Variants in METRN observed in about 807,000 individuals in gnomAD.
The protein encoded by METRN is meteorin, glial cell differentiation regulator.
Under a neutral mutation model 17.4 loss-of-function variants are expected in METRN, and 17 were observed. The ratio of observed to expected loss-of-function variants is 0.98; its 90% CI spans 0.67 to 1.46. METRN has a LOEUF of 1.46. Among genes scored for constraint, METRN ranks in the 40% most tolerant of loss-of-function variants. The pLI is 0.00. For synonymous variants in METRN, 230 were observed against 210.8 expected (o/e 1.09, Z -0.79); for missense variants, 489 against 456.2 (o/e 1.07, Z -0.65).
Position 716,974 on chromosome 16 carries a change from G to A in METRN, c.547G>A (p.Ala183Thr), listed in dbSNP as rs754170916. The change falls in exon 3 of 4, where the codon GCA becomes ACA. Residue 183 changes from alanine (A) to threonine (T), a missense_variant. Ala to Thr is a moderately conservative substitution (Grantham distance 58, BLOSUM62 0). Coordinates refer to ENST00000568223, the MANE Select transcript of METRN (RefSeq NM_024042.4). ...PCSDAELLLA[A>T]CTSDFVIHGI... ...CAGCGACGCTGAGCTGCTCCTGGCC[G>A]CATGCACCAGCGACTTCGGTGAGTG... The A allele has an allele frequency of 1.3e-5, 21 of 1,601,338 alleles. No homozygotes were observed. Among genetic ancestry groups the A allele is most frequent in the East Asian group, 2.2e-5 (1 of 44,726 alleles).
Position 715,275 on chromosome 16 carries a change from G to A in METRN, c.-15G>A, listed in dbSNP as rs753967335. On this transcript the variant is annotated 5_prime_UTR_variant, in exon 1 of 4. Coordinates refer to ENST00000568223, the MANE Select transcript of METRN (RefSeq NM_024042.4). ...TGGTGAGAGCCCCGACTCCCCGGAC[G>A]CCGCCCGCCGTGCCATGGGGTTCCC... is the stretch of plus-strand genomic sequence containing the variant. 2.3e-6 allele frequency: 3 copies of A among 1,294,480 alleles called. No homozygotes were observed. Among genetic ancestry groups the A allele is most frequent in the African/African-American group, 1.6e-5 (1 of 64,234 alleles). The allele number at this position is 1,294,480 out of a possible 1,614,324, so 80.2% of individuals were successfully genotyped here. A position where few individuals can be genotyped will look rare whatever the true frequency, so the allele number is the denominator to read the frequency against.
chr16:716,733 T>C, intron 2 of METRN, 200 bp from the exon 3 acceptor site: 1 of 1,535,468 alleles, frequency 6.5e-7, no homozygotes, highest in South Asian at 1.2e-5. Flanking sequence ...CCTGCAAGTG[T>C]GTTTCCTGAG....
At chr16:716,315 T>G in intron 2 of METRN, 1 of 1,390,450 alleles carries the variant, frequency 7.2e-7, no homozygotes, top group Non-Finnish European at 9.3e-7. Flanking sequence ...TGTCCGGGGC[T>G]CCCTGGCCCA....
rs1282117244 is a variant in METRN, at chr16:715,805, A to AGGGCCC, written c.335_340dup (p.Gly112_Pro113dup). 1.4e-5 allele frequency: 18 copies of AGGGCCC among 1,258,892 alleles called. No individual in the cohort carries two copies. Among genetic ancestry groups the AGGGCCC allele is most frequent in the Non-Finnish European group, 1.7e-5 (17 of 1,004,868 alleles). The allele number at this position is 1,258,892 out of a possible 1,614,324, so 78.0% of individuals were successfully genotyped here. A position where few individuals can be genotyped will look rare whatever the true frequency, so the allele number is the denominator to read the frequency against. ...GGCGCCCTGGAGCTGCTGCTGGCCG[A>AGGGCCC]GGGCCCGGGCCCGGCAGGGGGCCGC... On this transcript the variant is annotated inframe_insertion, in exon 2 of 4. Coordinates refer to ENST00000568223, the MANE Select transcript of METRN (RefSeq NM_024042.4).
chr16:715,486 C>G (rs1425566389), intron 1 of METRN, 93 bp downstream of exon 1: 6 of 1,260,234 alleles, frequency 4.8e-6, no homozygotes, highest in Admixed American at 8.5e-5. Flanking sequence ...AGCGCTGGGC[C>G]GGTTTCCCCA....
In METRN at chr16:717,348, T is replaced by C. The variant is rs2040170039; in HGVS notation, c.843T>C (p.Arg281=). Residue 281 remains arginine (R), a synonymous_variant, in exon 4 of 4, where the codon CGT becomes CGC. Coordinates refer to ENST00000568223, the MANE Select transcript of METRN (RefSeq NM_024042.4). ...TCCGCCGTGCCTACGAGGCTGCCCG[T>C]GCTGCCCACCTCCACCCCTGCGAGG... ...QEFRRAYEAA[R]AAHLHPCEVA... The C allele has an allele frequency of 7.0e-7, 1 of 1,435,274 alleles. No homozygotes were observed. Among genetic ancestry groups the C allele is most frequent in the South Asian group, 1.4e-5 (1 of 72,444 alleles). The allele number at this position is 1,435,274 out of a possible 1,614,324, so 88.9% of individuals were successfully genotyped here.
At position 715,432 on chromosome 16, in the gene METRN, T is replaced by C. The variant is rs2040151898; in HGVS notation, c.104+39T>C. ...GGCTGTCCCCGCACTTAGGACGGGG[T>C]GCGCTGCGGCTAGGACCCCCCAGGC... On this transcript the variant is annotated intron_variant, in intron 1 of 3. Coordinates refer to ENST00000568223, the MANE Select transcript of METRN (RefSeq NM_024042.4). 13 of 1,267,846 alleles carry C rather than the reference T, an allele frequency of 1.0e-5. No homozygotes were observed. In the African/African-American group the frequency reaches 1.4e-4, roughly 14 times the overall value. The allele number at this position is 1,267,846 out of a possible 1,614,324, so 78.5% of individuals were successfully genotyped here.
At chr16:716,911 C>T (rs768923592) in intron 2 of METRN, 22 bp from the exon 3 acceptor site, 1 of 1,539,250 alleles carries the variant, frequency 6.5e-7, no homozygotes. Flanking sequence ...GGCCTCTCCT[C>T]ACCACCCCCT....
At position 719,227 on chromosome 16, in the gene METRN, A is replaced by C. The variant is rs1314674126; in HGVS notation, c.*1840A>C. On this transcript the variant is annotated 3_prime_UTR_variant, in exon 4 of 4. Coordinates refer to ENST00000568223, the MANE Select transcript of METRN (RefSeq NM_024042.4). ...CTCCCAGAGAAAGCCCTGGCTTTGC[A>C]ACCAGCTGTCTTCTCATGAGACACA... 1 of 152,300 alleles carries C rather than the reference A, an allele frequency of 6.6e-6. No individual in the cohort carries two copies. The highest frequency in any genetic ancestry group is 1.5e-5 in the Non-Finnish European group (1 of 68,082). The allele number at this position is 152,300 out of a possible 1,614,324, so 9.4% of individuals were successfully genotyped here. A position where few individuals can be genotyped will look rare whatever the true frequency, so the allele number is the denominator to read the frequency against.
intron 2 of METRN, chr16:716,605 C>T: frequency 6.5e-7 from 1 of 1,535,378 alleles, no homozygotes; most frequent in Non-Finnish European, 8.7e-7. Flanking sequence ...CTAGAGGGGT[C>T]CCAGATGCTG....
intron 2 of METRN, 139 bp downstream of exon 2, chr16:716,123 C>G (rs183990352): frequency 1.8e-5 from 24 of 1,338,198 alleles, no homozygotes; most frequent in African/African-American, 3.1e-5. Context: ...TCAGGCCACA[C>G]AGCCTGGGAC....
In METRN at chr16:715,250, T is replaced by G. The variant is rs2151526811; in HGVS notation, c.-40T>G. 2 of 1,131,170 alleles carry G rather than the reference T, an allele frequency of 1.8e-6. No homozygotes were observed. The highest frequency in any genetic ancestry group is 2.2e-6 in the Non-Finnish European group (2 of 903,528). The allele number at this position is 1,131,170 out of a possible 1,614,324, so 70.1% of individuals were successfully genotyped here. ...GACCCGCGCCCCGCCGGGGCAGCGG[T>G]GGTGAGAGCCCCGACTCCCCGGACG... On this transcript the variant is annotated 5_prime_UTR_variant, in exon 1 of 4. Coordinates refer to ENST00000568223, the MANE Select transcript of METRN (RefSeq NM_024042.4).
chr16:715,393 G>T lies in METRN; in HGVS notation c.104G>T (p.Ser35Ile). The change falls in exon 1 of 4, where the codon AGC becomes ATC. Residue 35 changes from serine to isoleucine, a missense_variant and splice_region_variant. Physicochemically the swap from Ser to Ile is moderately radical, Grantham distance 142. Transcript: ENST00000568223. ...YSEERCSWRGSGLTQEPGSVG... is the reference protein window; with the variant it reads ...YSEERCSWRGIGLTQEPGSVG... The stretch of plus-strand genomic sequence containing the variant: ...GAGGAGCGCTGCAGCTGGAGGGGCA[G>T]GTACGGTCCGGGGGGCTGTCCCCGC... The T allele has an allele frequency of 7.6e-7, 1 of 1,317,106 alleles. No homozygotes were observed. The highest frequency in any genetic ancestry group is 2.0e-5 in the South Asian group (1 of 50,038). The allele number at this position is 1,317,106 out of a possible 1,614,324, so 81.6% of individuals were successfully genotyped here.
intron 3 of METRN, 26 bp downstream of exon 3, chr16:717,018 C>A: frequency 1.2e-6 from 2 of 1,610,982 alleles, no homozygotes; most frequent in Non-Finnish European, 1.7e-6. Context: ...ATGGGGGGAG[C>A]CTGGAGCCTG....
At position 718,268 on chromosome 16, in the gene METRN, C is replaced by T. The variant is rs1195500087; in HGVS notation, c.*881C>T. 1.3e-5 allele frequency: 2 copies of T among 152,314 alleles called. No homozygotes were observed. The highest frequency in any genetic ancestry group is 4.8e-5 in the African/African-American group (2 of 41,474). The allele number at this position is 152,314 out of a possible 1,614,324, so 9.4% of individuals were successfully genotyped here. A position where few individuals can be genotyped will look rare whatever the true frequency, so the allele number is the denominator to read the frequency against. The stretch of plus-strand genomic sequence containing the variant: ...AGCCCAAGGCTCCGAGGCTAAAAGC[C>T]CCTGGGTGGGGGTGTTCCAGGACAC... On this transcript the variant is annotated 3_prime_UTR_variant, in exon 4 of 4. Coordinates refer to ENST00000568223, the MANE Select transcript of METRN (RefSeq NM_024042.4).
At position 715,748 on chromosome 16, in the gene METRN, C is replaced by G; in HGVS notation, c.269C>G (p.Ala90Gly). 1 of 1,291,806 alleles carries G rather than the reference C, an allele frequency of 7.7e-7. No individual in the cohort carries two copies. Among genetic ancestry groups the G allele is most frequent in the Non-Finnish European group, 9.8e-7 (1 of 1,024,118 alleles). The allele number at this position is 1,291,806 out of a possible 1,614,324, so 80.0% of individuals were successfully genotyped here. The change falls in exon 2 of 4, where the codon GCG (alanine) becomes GGG (glycine). Residue 90 changes from alanine (A) to glycine (G), a missense_variant. Ala to Gly is a moderately conservative substitution (Grantham distance 60, BLOSUM62 0). Transcript: ENST00000568223. Reference protein sequence around the residue: ...IACLRPVRPFAGAQVFAERAG... With the variant: ...IACLRPVRPFGGAQVFAERAG... ...TGTCTGCGGCCGGTGCGGCCCTTCG[C>G]GGGCGCCCAGGTCTTCGCGGAGCGC... is the stretch of plus-strand genomic sequence containing the variant.
chr16:717,304 G>T lies in METRN; in HGVS notation c.799G>T (p.Ala267Ser). 2 of 1,524,242 alleles carry T rather than the reference G, an allele frequency of 1.3e-6. No homozygotes were observed. Among genetic ancestry groups the T allele is most frequent in the Non-Finnish European group, 8.8e-7 (1 of 1,137,858 alleles). The allele number at this position is 1,524,242 out of a possible 1,614,324, so 94.4% of individuals were successfully genotyped here. A position where few individuals can be genotyped will look rare whatever the true frequency, so the allele number is the denominator to read the frequency against. The part of the protein sequence containing the change: ...SRFGEARLGC[A>S]PRFQEFRRAY... ...CTTTGGGGAGGCCCGGCTGGGCTGT[G>T]CCCCACGATTCCAGGAGTTCCGCCG... The change falls in exon 4 of 4, where the codon GCC becomes TCC. Residue 267 changes from alanine (A) to serine (S), a missense_variant. Transcript: ENST00000568223.
chr16:716,462 G>A, intron 2 of METRN: 1 of 1,442,142 alleles, frequency 6.9e-7, no homozygotes, highest in Non-Finnish European at 9.1e-7. Flanking sequence ...CTTGGCGCCT[G>A]ACCCTGAAAG....
In METRN at chr16:716,000, G is replaced by T; in HGVS notation, c.505+16G>T. On this transcript the variant is annotated intron_variant, in intron 2 of 3. Transcript: ENST00000568223. ...GGCGTAGACGGTGAGTGGCGGTCTG[G>T]TTGGGACAGGGTGGGAGTCCCGAAG... The T allele has an allele frequency of 6.8e-7, 1 of 1,462,868 alleles. No homozygotes were observed. 90.6% of individuals were successfully genotyped at this position (1,462,868 alleles called of 1,614,324 possible).
Sources: gnomAD v4.1 joint callset for allele counts on GRCh38, gnomAD v4.1.1 for gene constraint, MANE v1.5 for transcripts, NCBI Gene and HGNC (gene_info 2026-07-23, HGNC 2026-07-21) for gene names.